The following SLC24A2 variants were observed in gnomAD, a reference collection of about 807,000 sequenced individuals.
SLC24A2 encodes solute carrier family 24 member 2.
In SLC24A2, 36 loss-of-function variants were observed where a neutral mutation model predicts 62.0. That is an observed-to-expected ratio of 0.58 (90% CI 0.44 to 0.77). The LOEUF (loss-of-function observed/expected upper bound fraction) is 0.77. SLC24A2 is among the 30% of genes least tolerant of loss of function. SLC24A2 has a pLI of 0.00. For synonymous variants in SLC24A2, 358 were observed against 294.0 expected (o/e 1.22, Z -2.23); for missense variants, 846 against 817.9 (o/e 1.03, Z -0.42).
chr9:19,909,398 G>T, the SLC24A2 span, among the ~76,000 whole-genome samples: 12 of 152,160 alleles, frequency 7.9e-5, no homozygotes, highest in South Asian at 1.7e-3. Flanking sequence ...GAGTTAATGG[G>T]TGCAGCACAC....
At chr9:19,704,601 T>C (rs1362339240) in intron 2 of SLC24A2, among the ~76,000 whole-genome samples, 2 of 152,180 alleles carry the variant, frequency 1.3e-5, no homozygotes, top group African/African-American at 2.4e-5. Context: ...TACTGAGTTC[T>C]TTCTGGAAAA....
At chr9:19,663,352 G>A (rs866964826) in intron 2 of SLC24A2, among the ~76,000 whole-genome samples, 22 of 152,260 alleles carry the variant, frequency 1.4e-4, no homozygotes, top group Middle Eastern at 3.4e-3. Context: ...CCTTCCGATC[G>A]CTTCAAATAA....
chr9:19,979,686 C>T, the SLC24A2 span, among the ~76,000 whole-genome samples: 4 of 152,056 alleles, frequency 2.6e-5, no homozygotes, highest in African/African-American at 7.2e-5. Flanking sequence ...AGCTGCTGTC[C>T]GACATTATTT....
intron 5 of SLC24A2, among the ~76,000 whole-genome samples, chr9:19,578,596 C>T (rs1328618843): frequency 6.6e-6 from 1 of 151,600 alleles, no homozygotes; most frequent in Non-Finnish European, 1.5e-5. Context: ...AGCATATTAA[C>T]AGGGGATCTC....
the SLC24A2 span, among the ~76,000 whole-genome samples, chr9:20,139,976 G>A: frequency 2.0e-5 from 3 of 152,220 alleles, no homozygotes; most frequent in African/African-American, 7.2e-5. Context: ...ACTATGCGGT[G>A]CGTTCCCTTC....
At chr9:19,987,469 G>C in the SLC24A2 span, among the ~76,000 whole-genome samples, 1 of 152,024 alleles carries the variant, frequency 6.6e-6, no homozygotes, top group Admixed American at 6.6e-5. Context: ...TAATATTAAG[G>C]ATTCATCTAG....
chr9:20,019,155 A>AAGAAAGAAAGAAAG, the SLC24A2 span, among the ~76,000 whole-genome samples: 204 of 117,180 alleles, frequency 1.7e-3, 16 homozygotes, highest in Non-Finnish European at 2.6e-3. Context: ...GAAAGAAAGA[A>AAGAAAGAAAGAAAG]AGAGAGAGAG....
Position 19,788,949 on chromosome 9 carries a change from C to G in SLC24A2, c.-218G>C, listed in dbSNP as rs1421764850. 5.1e-6 allele frequency: 5 copies of G among 985,148 alleles called. No individual in the cohort carries two copies. The highest frequency in any genetic ancestry group is 6.0e-6 in the Non-Finnish European group (5 of 829,680). The allele number at this position is 985,148 out of a possible 1,614,324, so 61.0% of individuals were successfully genotyped here. A position where few individuals can be genotyped will look rare whatever the true frequency, so the allele number is the denominator to read the frequency against. ...GAGCGCGGCCCGCCGCTCCAGTCCGCCGGCCCTCCGCCTACCCGCTCTGAG... is the reference window on the plus strand; with the variant it reads ...GAGCGCGGCCCGCCGCTCCAGTCCGGCGGCCCTCCGCCTACCCGCTCTGAG... On this transcript the variant is annotated 5_prime_UTR_variant, in exon 1 of 11. Transcript: ENST00000341998.
At chr9:19,528,719 G>C (rs1833548498) in intron 8 of SLC24A2, among the ~76,000 whole-genome samples, 1 of 152,112 alleles carries the variant, frequency 6.6e-6, no homozygotes, top group Admixed American at 6.6e-5. Context: ...TATAGATTCT[G>C]GATGATGGCC....
the SLC24A2 span, among the ~76,000 whole-genome samples, chr9:20,075,837 C>T: frequency 6.6e-6 from 1 of 152,124 alleles, no homozygotes; most frequent in African/African-American, 2.4e-5. Flanking sequence ...TACAGTCATC[C>T]CTCGGCATCC....
chr9:20,074,951 T>G, the SLC24A2 span, among the ~76,000 whole-genome samples: 1 of 152,178 alleles, frequency 6.6e-6, no homozygotes, highest in African/African-American at 2.4e-5. Flanking sequence ...TCTAATATGT[T>G]ATGGGATTTT....
chr9:19,527,844 A>T (rs1785170585), intron 9 of SLC24A2, among the ~76,000 whole-genome samples: 1 of 152,220 alleles, frequency 6.6e-6, no homozygotes, highest in South Asian at 2.1e-4. Flanking sequence ...GGCTGTCCAG[A>T]GGCTATGCTG....
At chr9:20,226,589 G>A in the SLC24A2 span, among the ~76,000 whole-genome samples, 1 of 152,030 alleles carries the variant, frequency 6.6e-6, no homozygotes, top group Non-Finnish European at 1.5e-5. Flanking sequence ...CCTTTCTTTG[G>A]GGCTCCCTTG....
chr9:19,554,952 A>C (rs553658870), intron 7 of SLC24A2, among the ~76,000 whole-genome samples: 1 of 152,300 alleles, frequency 6.6e-6, no homozygotes, highest in Admixed American at 6.5e-5. Context: ...GCCTGGGATC[A>C]CTCTATGAAT....
chr9:20,285,855 C>T, the SLC24A2 span, among the ~76,000 whole-genome samples: 1 of 152,076 alleles, frequency 6.6e-6, no homozygotes, highest in African/African-American at 2.4e-5. Flanking sequence ...AGAGGGAAGT[C>T]CATTTGAGGA....
At chr9:19,622,602 T>A (rs1392963009) in intron 2 of SLC24A2, among the ~76,000 whole-genome samples, 1 of 152,188 alleles carries the variant, frequency 6.6e-6, no homozygotes, top group Non-Finnish European at 1.5e-5. Flanking sequence ...TACTATGTGA[T>A]CATTAAAATG....
the SLC24A2 span, among the ~76,000 whole-genome samples, chr9:20,216,247 A>G: frequency 2.6e-5 from 4 of 152,228 alleles, no homozygotes; most frequent in African/African-American, 9.6e-5. Context: ...GTGCTGCATT[A>G]GAGAAATACC....
the SLC24A2 span, among the ~76,000 whole-genome samples, chr9:19,993,040 G>T: frequency 6.6e-6 from 1 of 152,074 alleles, no homozygotes; most frequent in Non-Finnish European, 1.5e-5. Context: ...CCCATAGAGA[G>T]AAGTGCTCTG....
the SLC24A2 span, among the ~76,000 whole-genome samples, chr9:20,080,587 A>C: frequency 1.3e-5 from 2 of 152,202 alleles, no homozygotes; most frequent in Non-Finnish European, 2.9e-5. Context: ...CTTGTCTAAA[A>C]CACCAAAAGC....
Sources: gnomAD v4.1 joint callset for allele counts (sites outside exome capture counted in the v4.1 genomes callset) on GRCh38, gnomAD v4.1.1 for gene constraint, MANE v1.5 for transcripts, NCBI Gene and HGNC (gene_info 2026-07-23, HGNC 2026-07-21) for gene names.